The following B4GALT1 variants were observed in gnomAD, a reference collection of about 807,000 sequenced individuals.
B4GALT1 encodes the protein N-acetyllactosamine synthase.
B4GALT1 carries 16 observed loss-of-function variants against 34.9 expected under a neutral mutation model. That is an observed-to-expected ratio of 0.46 (90% CI 0.31 to 0.70). The LOEUF (loss-of-function observed/expected upper bound fraction) is 0.70. B4GALT1 is among the 30% of genes least tolerant of loss of function. The probability of loss-of-function intolerance (pLI) is 0.05; values close to 1 mark genes in which losing one functional copy is unlikely to be tolerated. For missense variants in B4GALT1, 445 were observed against 530.5 expected, an observed-to-expected ratio of 0.84 and a Z score of 1.58; for synonymous variants, 221 against 218.1, an observed-to-expected ratio of 1.01 and a Z score of -0.12.
At chr9:33,175,020 T>TATATATATAA in the B4GALT1 span, among the ~76,000 whole-genome samples, 185 of 38,914 alleles carry the variant, frequency 4.8e-3, 26 homozygotes, top group Non-Finnish European at 5.6e-3. Flanking sequence ...TATATATATA[T>TATATATATAA]AAAATTGGAG....
downstream of B4GALT1, among the ~76,000 whole-genome samples, chr9:33,110,161 A>G (rs1839837298): frequency 6.6e-6 from 1 of 152,240 alleles, no homozygotes; most frequent in Non-Finnish European, 1.5e-5. Context: ...CAGGGCCACC[A>G]AGGAGGAGGC....
the B4GALT1 span, among the ~76,000 whole-genome samples, chr9:33,184,099 C>T: frequency 6.6e-6 from 1 of 151,946 alleles, no homozygotes; most frequent in African/African-American, 2.4e-5. Context: ...AGCAAACCAC[C>T]ACGGCACATG....
At chr9:33,143,196 C>A (rs1402959264) in intron 1 of B4GALT1, among the ~76,000 whole-genome samples, 2 of 152,080 alleles carry the variant, frequency 1.3e-5, no homozygotes, top group African/African-American at 4.8e-5. Context: ...CAGACAAGGT[C>A]CACACAGCAG....
exon 3 of B4GALT1, chr9:33,104,692 A>T (rs1587722252): frequency 2.2e-6 from 1 of 450,826 alleles, no homozygotes; most frequent in East Asian, 7.0e-5. Context: ...CTCCAGGAAG[A>T]TGCTGGGACT....
chr9:33,113,045 A>G lies in B4GALT1; in HGVS notation c.*409T>C, dbSNP rs1358052208. 1 of 287,466 alleles carries G rather than the reference A, an allele frequency of 3.5e-6. No homozygotes were observed. Among genetic ancestry groups the G allele is most frequent in the African/African-American group, 2.2e-5 (1 of 45,640 alleles). The allele number at this position is 287,466 out of a possible 1,614,324, so 17.8% of individuals were successfully genotyped here. On this transcript the variant is annotated 3_prime_UTR_variant, in exon 6 of 6. Coordinates refer to ENST00000379731, the MANE Select transcript of B4GALT1 (RefSeq NM_001497.4). ...TACAACTACCAAAAAGATCACACCA[A>G]TCCAATTTTAGCAGCACTCTCCGAA... is the stretch of plus-strand genomic sequence containing the variant.
the B4GALT1 span, among the ~76,000 whole-genome samples, chr9:33,177,024 AC>A: frequency 6.6e-6 from 1 of 152,188 alleles, no homozygotes; most frequent in African/African-American, 2.4e-5. Flanking sequence ...GTTTTAATTT[AC>A]TTTGAGCATT....
chr9:33,151,083 G>T (rs1840511107), intron 1 of B4GALT1, among the ~76,000 whole-genome samples: 1 of 152,130 alleles, frequency 6.6e-6, no homozygotes, highest in Non-Finnish European at 1.5e-5. Flanking sequence ...CCAGACAAAG[G>T]TCCCTAAGGC....
intron 4 of B4GALT1, among the ~76,000 whole-genome samples, chr9:33,114,577 C>A (rs1020779846): frequency 5.3e-5 from 8 of 152,048 alleles, no homozygotes; most frequent in Non-Finnish European, 1.2e-4. Context: ...GAATGGAGGG[C>A]TTCAGAACAT....
At chr9:33,181,124 A>G in the B4GALT1 span, among the ~76,000 whole-genome samples, 1 of 152,134 alleles carries the variant, frequency 6.6e-6, no homozygotes, top group Non-Finnish European at 1.5e-5. Flanking sequence ...TTACATCTTT[A>G]AAAGTCTATC....
intron 1 of B4GALT1, among the ~76,000 whole-genome samples, chr9:33,135,980 G>A (rs1375250973): frequency 2.0e-5 from 3 of 150,298 alleles, no homozygotes; most frequent in Non-Finnish European, 3.0e-5. Context: ...AGTTAGCTTC[G>A]AAGTGGAAGG....
At chr9:33,148,348 TG>T (rs745585809) in intron 1 of B4GALT1, among the ~76,000 whole-genome samples, 7 of 152,212 alleles carry the variant, frequency 4.6e-5, no homozygotes, top group Non-Finnish European at 8.8e-5. Flanking sequence ...TGGTTAATGC[TG>T]ATTATTCACG....
At chr9:33,126,642 T>C (rs1840106046) in intron 2 of B4GALT1, among the ~76,000 whole-genome samples, 1 of 152,272 alleles carries the variant, frequency 6.6e-6, no homozygotes, top group African/African-American at 2.4e-5. Context: ...TTAACATTGT[T>C]AACTATTGTT....
the B4GALT1 span, among the ~76,000 whole-genome samples, chr9:33,177,217 A>T: frequency 6.6e-6 from 1 of 152,182 alleles, no homozygotes; most frequent in Non-Finnish European, 1.5e-5. Context: ...ATTTTCTCTT[A>T]TCCATGTTAC....
At chr9:33,153,912 C>T (rs544753797) in intron 1 of B4GALT1, among the ~76,000 whole-genome samples, 35 of 148,038 alleles carry the variant, frequency 2.4e-4, no homozygotes, top group African/African-American at 6.3e-4. Context: ...CGAAAGAAAA[C>T]GAACAGACCT....
chr9:33,146,595 G>T (rs1045799853), intron 1 of B4GALT1, among the ~76,000 whole-genome samples: 3 of 152,164 alleles, frequency 2.0e-5, no homozygotes, highest in African/African-American at 7.2e-5. Flanking sequence ...TCAGGATGCT[G>T]GTGAGGATGC....
chr9:33,171,790 C>A (rs1284620093), upstream of B4GALT1, among the ~76,000 whole-genome samples: 1 of 152,164 alleles, frequency 6.6e-6, no homozygotes, highest in South Asian at 2.1e-4. Flanking sequence ...CCTGAGCTCA[C>A]GCAGTCTTCC....
At chr9:33,116,635 G>A (rs1839944217) in intron 3 of B4GALT1, among the ~76,000 whole-genome samples, 1 of 147,026 alleles carries the variant, frequency 6.8e-6, no homozygotes, top group South Asian at 2.1e-4. Flanking sequence ...TAATTCTCCT[G>A]TCTCAGCCTC....
intron 1 of B4GALT1, among the ~76,000 whole-genome samples, chr9:33,151,497 G>A (rs549142041): frequency 6.6e-6 from 1 of 152,262 alleles, no homozygotes; most frequent in African/African-American, 2.4e-5. Flanking sequence ...AAGTACTCCT[G>A]GCAATATCTC....
chr9:33,163,792 C>A (rs987818254), intron 1 of B4GALT1, among the ~76,000 whole-genome samples: 1 of 152,230 alleles, frequency 6.6e-6, no homozygotes, highest in African/African-American at 2.4e-5. Context: ...GGACCTGAGA[C>A]AGGGTTAGGA....
Sources: allele counts gnomAD v4.1 joint callset (sites outside exome capture counted in the v4.1 genomes callset), GRCh38; gene constraint gnomAD v4.1.1; transcripts MANE v1.5; gene names NCBI Gene and HGNC (gene_info 2026-07-23, HGNC 2026-07-21).